Variants in RGL1 observed in about 807,000 individuals in gnomAD.
RGL1 encodes the protein ral guanine nucleotide dissociation stimulator-like 1.
RGL1 carries 24 observed loss-of-function variants against 95.2 expected under a neutral mutation model. That is an observed-to-expected ratio of 0.25 (90% CI 0.18 to 0.35). The LOEUF is 0.35. RGL1 is among the 10% of genes least tolerant of loss of function. The probability of loss-of-function intolerance (pLI) is 1.00; values close to 1 mark genes in which losing one functional copy is unlikely to be tolerated. For missense variants in RGL1, 715 were observed against 936.3 expected (o/e 0.76, Z 3.08); for synonymous variants, 329 against 344.9 (o/e 0.95, Z 0.51).
At chr1:183,899,952 G>T (rs939654787) in intron 10 of RGL1, among the ~76,000 whole-genome samples, 198 bp from the exon 11 acceptor site, 3 of 152,206 alleles carry the variant, frequency 2.0e-5, no homozygotes, top group African/African-American at 7.2e-5. Flanking sequence ...TGGTTTTCAT[G>T]ATTTCACAAG....
Position 183,805,998 on chromosome 1 carries a change from T to C in RGL1, c.28-377T>C, listed in dbSNP as rs1156798673. ...TTTTTTTTTTTTTTTTTTTTTTTTT[T>C]TTTTTTTTTTTTTACAAAGAATTAT... On this transcript the variant is annotated intron_variant, in intron 1 of 17. Coordinates refer to ENST00000360851, the MANE Select transcript of RGL1 (RefSeq NM_001297671.3). 6.6e-4 allele frequency among the ~76,000 whole-genome samples: 72 copies of C among 108,560 alleles called. 2 individuals are homozygous for C. Among genetic ancestry groups the C allele is most frequent in the Admixed American group, 2.1e-3 (22 of 10,658 alleles). The allele number at this position is 108,560 out of a possible 152,430, so 71.2% of individuals were successfully genotyped here. A position where few individuals can be genotyped will look rare whatever the true frequency, so the allele number is the denominator to read the frequency against.
At chr1:183,897,920 C>A in intron 10 of RGL1, 23 bp downstream of exon 10, 5 of 1,601,630 alleles carry the variant, frequency 3.1e-6, no homozygotes, top group Non-Finnish European at 4.3e-6. Flanking sequence ...CTCGTCTTCC[C>A]TGACAGCTCA....
At chr1:183,849,907 A>G (rs1664726063) in intron 3 of RGL1, among the ~76,000 whole-genome samples, 1 of 152,196 alleles carries the variant, frequency 6.6e-6, no homozygotes, top group Non-Finnish European at 1.5e-5. Flanking sequence ...AATGGGTCAA[A>G]GTATATCAGC....
At chr1:183,703,514 G>A (rs1654725626) in intron 1 of RGL1, among the ~76,000 whole-genome samples, 1 of 152,156 alleles carries the variant, frequency 6.6e-6, no homozygotes, top group South Asian at 2.1e-4. Flanking sequence ...TGTTTGTTGG[G>A]TCCCATCCCT....
chr1:183,782,213 A>G (rs1408537621), intron 2 of RGL1, among the ~76,000 whole-genome samples: 2 of 152,174 alleles, frequency 1.3e-5, no homozygotes, highest in Non-Finnish European at 2.9e-5. Context: ...ATTCCAGAAA[A>G]CATAGCCCAG....
chr1:183,794,519 A>T (rs1378961257), intron 2 of RGL1, among the ~76,000 whole-genome samples: 1 of 152,242 alleles, frequency 6.6e-6, no homozygotes, highest in Admixed American at 6.5e-5. Flanking sequence ...CATTGTATGC[A>T]TTTATCAAAC....
chr1:183,648,072 G>A, intron 1 of RGL1: 1 of 1,614,226 alleles, frequency 6.2e-7, no homozygotes. Flanking sequence ...AGTGAAGTAA[G>A]GTTTTACGCC....
At chr1:183,648,515 C>T (rs779611272) in intron 1 of RGL1, 14 of 1,613,972 alleles carry the variant, frequency 8.7e-6, no homozygotes, top group Admixed American at 6.7e-5. Flanking sequence ...GGATATAATT[C>T]CCAGTGCAAC....
At chr1:183,753,950 G>T (rs1427811573) in intron 2 of RGL1, among the ~76,000 whole-genome samples, 1 of 100,446 alleles carries the variant, frequency 1.0e-5, no homozygotes, top group Non-Finnish European at 1.9e-5. Context: ...TTGACAGTGG[G>T]TTCATTTTTT....
chr1:183,694,425 T>G lies in RGL1; in HGVS notation c.-32-47701T>G, dbSNP rs191701667. 3.2e-3 allele frequency among the ~76,000 whole-genome samples: 483 copies of G among 152,378 alleles called. 2 individuals are homozygous for G. Among genetic ancestry groups the G allele is most frequent in the Middle Eastern group, 0.014 (4 of 294 alleles). The stretch of plus-strand genomic sequence containing the variant: ...ACATTAAACATTGATGACCATTTTT[T>G]CTTTCAGTCCTTCCTCTATGTTATT... On this transcript the variant is annotated intron_variant, in intron 1 of 18. Transcript: ENST00000304685.
intron 9 of RGL1, among the ~76,000 whole-genome samples, chr1:183,895,245 T>C (rs1034932939): frequency 1.3e-5 from 2 of 152,114 alleles, no homozygotes; most frequent in African/African-American, 4.8e-5. Flanking sequence ...TGGAGATGGA[T>C]CCAGAGTCCA....
At chr1:183,755,944 C>A (rs559733541) in intron 2 of RGL1, among the ~76,000 whole-genome samples, 4 of 147,482 alleles carry the variant, frequency 2.7e-5, no homozygotes, top group Admixed American at 1.4e-4. Context: ...AGTGCAATGG[C>A]GCAATCTCGG....
intron 2 of RGL1, among the ~76,000 whole-genome samples, chr1:183,842,629 G>T (rs937609286): frequency 6.6e-6 from 1 of 152,152 alleles, no homozygotes; most frequent in Non-Finnish European, 1.5e-5. Flanking sequence ...AAACATTTTT[G>T]TGGTCACAGT....
chr1:183,725,008 A>G (rs1441457487), intron 1 of RGL1, among the ~76,000 whole-genome samples: 1 of 152,058 alleles, frequency 6.6e-6, no homozygotes, highest in Non-Finnish European at 1.5e-5. Flanking sequence ...AGGAGGAGAG[A>G]GAAAGAAACG....
At chr1:183,738,773 C>T (rs1162883536) in intron 1 of RGL1, among the ~76,000 whole-genome samples, 1 of 151,550 alleles carries the variant, frequency 6.6e-6, no homozygotes, top group Non-Finnish European at 1.5e-5. Flanking sequence ...TGGTGGCAGG[C>T]ATCTGTAATC....
intron 5 of RGL1, among the ~76,000 whole-genome samples, 178 bp downstream of exon 5, chr1:183,880,978 G>T (rs1366217940): frequency 1.3e-5 from 2 of 152,132 alleles, no homozygotes; most frequent in Non-Finnish European, 2.9e-5. Context: ...TAATTAGAGA[G>T]CCTAGAATTT....
At position 183,916,629 on chromosome 1, in the gene RGL1, A is replaced by G. The variant is rs143079800; in HGVS notation, c.1932A>G (p.Gln644=). 85 of 1,613,818 alleles carry G rather than the reference A, an allele frequency of 5.3e-5. No homozygotes were observed. In the African/African-American group the frequency reaches 1.1e-3, roughly 20 times the overall value. Residue 644 remains glutamine, a synonymous_variant, in exon 16 of 18, where the codon CAA becomes CAG. Coordinates refer to ENST00000360851, the MANE Select transcript of RGL1 (RefSeq NM_001297671.3). ...CTGTGCTGCCTCCTGTTTACAACCA[A>G]CAGAATGAAGACACCTGCATAATCC... ...TSTVLPPVYN[Q]QNEDTCIIRI... is the part of the protein sequence containing the mutation.
At chr1:183,802,600 CAAAAAAAAA>C (rs34038144), upstream of RGL1, among the ~76,000 whole-genome samples, 1 of 90,068 alleles carries the variant, frequency 1.1e-5, no homozygotes. Flanking sequence ...GGTGTATCAG[CAAAAAAAAA>C]AAAAAAAAAA....
chr1:183,744,314 CTT>C (rs67225177), intron 2 of RGL1, among the ~76,000 whole-genome samples: 68,295 of 148,206 alleles, frequency 0.46, 16,401 homozygotes, highest in East Asian at 0.8. Flanking sequence ...GCACAACAGA[CTT>C]TTTTTTTTTT....
Sources: allele counts gnomAD v4.1 joint callset (sites outside exome capture counted in the v4.1 genomes callset), GRCh38; gene constraint gnomAD v4.1.1; transcripts MANE v1.5; gene names NCBI Gene and HGNC (gene_info 2026-07-23, HGNC 2026-07-21).